Variants in PCDH11Y observed in about 807,000 individuals in gnomAD.
The protein encoded by PCDH11Y is protocadherin 11 Y-linked.
For synonymous variants in PCDH11Y, 9 were observed against 83.6 expected (o/e 0.11, Z 4.87); for missense variants, 12 against 224.8 (o/e 0.05, Z 6.05).
At chrY:5,739,708 A>G in exon 5 of PCDH11Y, 1 of 33,107 alleles carries the variant, frequency 3.0e-5, no homozygotes, top group Non-Finnish European at 7.5e-5. Context: ...CATCCATTGT[A>G]AAGTTCCTTA....
chrY:5,305,528 C>CA (rs2053089284), intron 2 of PCDH11Y, among the ~76,000 whole-genome samples: 1 of 32,775 alleles, frequency 3.1e-5, no homozygotes, highest in African/African-American at 1.2e-4. Context: ...AATGTCCTTC[C>CA]AGTATAGGGA....
upstream of PCDH11Y, among the ~76,000 whole-genome samples, chrY:5,055,575 A>C: frequency 3.0e-5 from 1 of 32,921 alleles, no homozygotes; most frequent in African/African-American, 1.2e-4. Context: ...TATATCATCT[A>C]CAAGTACTAT....
intron 2 of PCDH11Y, among the ~76,000 whole-genome samples, chrY:5,383,980 C>G: frequency 3.0e-5 from 1 of 33,262 alleles, no homozygotes; most frequent in Non-Finnish European, 7.4e-5. Flanking sequence ...TTGTTCTGCA[C>G]TGACTCTAAG....
At chrY:5,664,486 T>G in intron 4 of PCDH11Y, among the ~76,000 whole-genome samples, 1 of 33,163 alleles carries the variant, frequency 3.0e-5, no homozygotes, top group South Asian at 6.7e-4. Flanking sequence ...AGAGGCTTAT[T>G]TATTCCAAAG....
At chrY:5,078,364 A>G in intron 1 of PCDH11Y, among the ~76,000 whole-genome samples, 1 of 33,252 alleles carries the variant, frequency 3.0e-5, no homozygotes, top group Non-Finnish European at 7.4e-5. Flanking sequence ...AATAATGTAT[A>G]TTCCCTTGGG....
chrY:5,033,872 T>C, intron 3 of PCDH11Y, among the ~76,000 whole-genome samples: 1 of 33,024 alleles, frequency 3.0e-5, no homozygotes, highest in South Asian at 6.8e-4. Context: ...CCAGATCCAG[T>C]AAATCTTCCC....
chrY:5,519,340 A>C (rs2124689966), intron 3 of PCDH11Y, among the ~76,000 whole-genome samples: 5 of 27,520 alleles, frequency 1.8e-4, no homozygotes, highest in Admixed American at 6.7e-4. Flanking sequence ...CAGTGAGCTG[A>C]GATCGTGCCA....
chrY:5,223,065 CA>C lies in PCDH11Y; in HGVS notation c.3129+122367del, dbSNP rs2052955899. Among the ~76,000 whole-genome samples the C allele has an allele frequency of 2.6e-4, 8 of 31,095 alleles. No individual in the cohort carries two copies. In the East Asian group the frequency reaches 6.7e-3, roughly 26 times the overall value. The allele number at this position is 31,095 out of a possible 37,273, so 83.4% of individuals were successfully genotyped here. A position where few individuals can be genotyped will look rare whatever the true frequency, so the allele number is the denominator to read the frequency against. ...CTTTTATCAATTTTGTTTATCTTTGCAAAAAAAAATCCTCTTAGGTTGTGGA... is the reference window on the plus strand; with the variant it reads ...CTTTTATCAATTTTGTTTATCTTTGCAAAAAAAATCCTCTTAGGTTGTGGA... On this transcript the variant is annotated intron_variant, in intron 2 of 4. Coordinates refer to the PCDH11Y transcript ENST00000400457.
intron 2 of PCDH11Y, among the ~76,000 whole-genome samples, chrY:5,293,243 C>G (rs2124662182): frequency 1.9e-4 from 6 of 31,296 alleles, no homozygotes; most frequent in African/African-American, 7.5e-4. Flanking sequence ...GATTTTCCAG[C>G]CTCCGTCTCC....
intron 4 of PCDH11Y, among the ~76,000 whole-genome samples, chrY:5,714,454 A>C: frequency 3.1e-5 from 1 of 32,660 alleles, no homozygotes; most frequent in Admixed American, 2.8e-4. Context: ...TTTCCTATGG[A>C]ATAAAATTCC....
At chrY:5,351,990 T>C in intron 2 of PCDH11Y, among the ~76,000 whole-genome samples, 1 of 33,029 alleles carries the variant, frequency 3.0e-5, no homozygotes, top group Non-Finnish European at 7.4e-5. Flanking sequence ...TATTTGGTTA[T>C]AATTATGCTG....
chrY:5,586,340 G>T, intron 4 of PCDH11Y, among the ~76,000 whole-genome samples: 1 of 31,585 alleles, frequency 3.2e-5, no homozygotes, highest in African/African-American at 1.2e-4. Flanking sequence ...GTATTCAAAG[G>T]TATTTTATTC....
intron 2 of PCDH11Y, among the ~76,000 whole-genome samples, chrY:5,454,580 C>T: frequency 1.5e-4 from 5 of 33,883 alleles, no homozygotes; most frequent in African/African-American, 5.8e-4. Context: ...CAGGCTTATT[C>T]ATACATCCTC....
intron 2 of PCDH11Y, among the ~76,000 whole-genome samples, chrY:5,384,571 G>A: frequency 6.9e-5 from 2 of 29,156 alleles, no homozygotes; most frequent in African/African-American, 1.3e-4. Context: ...GGTAATTGGT[G>A]GTAAACTTAA....
At chrY:5,256,687 C>T (rs2124657558) in intron 2 of PCDH11Y, among the ~76,000 whole-genome samples, 1 of 33,441 alleles carries the variant, frequency 3.0e-5, no homozygotes, top group South Asian at 6.6e-4. Context: ...CATGGAATGT[C>T]TTTCCATTTT....
chrY:5,449,446 G>A, intron 2 of PCDH11Y, among the ~76,000 whole-genome samples: 3 of 33,133 alleles, frequency 9.1e-5, no homozygotes, highest in Non-Finnish European at 2.2e-4. Context: ...TCCAACATGA[G>A]AGATTGCTTT....
chrY:5,490,344 G>A, intron 2 of PCDH11Y, among the ~76,000 whole-genome samples: 1 of 33,554 alleles, frequency 3.0e-5, no homozygotes, highest in Non-Finnish European at 7.4e-5. Context: ...TTATATAAGG[G>A]CACTAATCTG....
intron 4 of PCDH11Y, among the ~76,000 whole-genome samples, chrY:5,718,688 G>A: frequency 3.0e-5 from 1 of 33,225 alleles, no homozygotes; most frequent in African/African-American, 1.2e-4. Context: ...CTTCATAGCA[G>A]TAAGAAAATG....
chrY:5,508,847 A>G, intron 3 of PCDH11Y, among the ~76,000 whole-genome samples: 1 of 32,655 alleles, frequency 3.1e-5, no homozygotes, highest in East Asian at 8.0e-4. Context: ...TAATTTATAT[A>G]ATGAAGGGAT....
Sources: allele counts gnomAD v4.1 joint callset (sites outside exome capture counted in the v4.1 genomes callset), GRCh38; gene constraint gnomAD v4.1.1; transcripts MANE v1.5; gene names NCBI Gene and HGNC (gene_info 2026-07-23, HGNC 2026-07-21).